NIPA1: variants seen among roughly 807,000 people sequenced by gnomAD.
NIPA1 encodes NIPA magnesium transporter 1, also known as magnesium transporter NIPA1.
A neutral mutation model predicts 23.9 loss-of-function variants in NIPA1; 13 were observed. The observed-to-expected ratio is 0.54, with a 90% CI of 0.35 to 0.87. The LOEUF (loss-of-function observed/expected upper bound fraction) is 0.87. Among genes scored for constraint, NIPA1 ranks in the 40% least tolerant of loss-of-function variants. NIPA1 has a pLI of 0.01. For missense variants in NIPA1, 362 were observed against 429.7 expected (o/e 0.84, Z 1.39); for synonymous variants, 234 against 202.9 (o/e 1.15, Z -1.30).
In NIPA1 at chr15:22,824,103, A is replaced by G. The variant is rs1412975318; in HGVS notation, c.854A>G (p.Asn285Ser). The G allele has an allele frequency of 1.9e-6, 3 of 1,614,130 alleles. No individual in the cohort carries two copies. The highest frequency in any genetic ancestry group is 2.5e-6 in the Non-Finnish European group (3 of 1,179,978). The change falls in exon 5 of 5, where the codon AAC (asparagine) becomes AGC (serine). Residue 285 changes from asparagine to serine, a missense_variant. By Grantham distance (46) the Asn-to-Ser change is conservative. Coordinates refer to ENST00000337435, the MANE Select transcript of NIPA1 (RefSeq NM_144599.5). This position sits in a 1 kb window ranked among gnomAD's most constrained non-coding sequence, Gnocchi z 4.1. ...GCCATCCTCTTCCGGGAGTGGAGCA[A>G]CGTGGGCCTGGTGGACTTCTTGGGG... The part of the protein sequence containing the change: ...ASAILFREWS[N>S]VGLVDFLGMA...
chr15:22,816,307 G>A (rs1895416412), intron 3 of NIPA1, among the ~76,000 whole-genome samples: 1 of 143,178 alleles, frequency 7.0e-6, no homozygotes, highest in Non-Finnish European at 1.5e-5. Context: ...TCCTTCCTCA[G>A]CCTCCCGAGT....
At chr15:22,807,668 C>A (rs753229033) in intron 1 of NIPA1, among the ~76,000 whole-genome samples, 1 of 152,024 alleles carries the variant, frequency 6.6e-6, no homozygotes. Flanking sequence ...AATTGACAAA[C>A]CTTTAGCTAG....
Position 22,786,677 on chromosome 15 carries a change from AGCGGCGGCG to A in NIPA1, c.39_47del (p.Ala14_Ala16del), listed in dbSNP as rs531550505. 1.7e-3 allele frequency: 1,836 copies of A among 1,071,494 alleles called. 8 individuals carry two copies. Among genetic ancestry groups the A allele is most frequent in the East Asian group, 8.4e-3 (116 of 13,728 alleles). The allele number at this position is 1,071,494 out of a possible 1,614,324, so 66.4% of individuals were successfully genotyped here. A position where few individuals can be genotyped will look rare whatever the true frequency, so the allele number is the denominator to read the frequency against. ...GCGGAATGGGGACTGCAGCTGCGGC[AGCGGCGGCG>A]GCGGCGGCGGCGGCGGCCGGGGAGG... On this transcript the variant is annotated inframe_deletion, in exon 1 of 5. Coordinates refer to ENST00000337435, the MANE Select transcript of NIPA1 (RefSeq NM_144599.5).
Position 22,827,135 on chromosome 15 carries a change from G to C in NIPA1, c.*2896G>C, listed in dbSNP as rs973243335. 4 of 151,972 alleles carry C rather than the reference G, an allele frequency of 2.6e-5. No homozygotes were observed. The highest frequency in any genetic ancestry group is 9.7e-5 in the African/African-American group (4 of 41,358). 9.4% of individuals were successfully genotyped at this position (151,972 alleles called of 1,614,324 possible). A position where few individuals can be genotyped will look rare whatever the true frequency, so the allele number is the denominator to read the frequency against. On this transcript the variant is annotated 3_prime_UTR_variant, in exon 5 of 5. Coordinates refer to ENST00000337435, the MANE Select transcript of NIPA1 (RefSeq NM_144599.5). ...AAAAAAAGATGCTTACTGTATACTT[G>C]TTTTCAAGCATCCTCTAAAATCAAA...
At chr15:22,797,479 T>C (rs577929067) in intron 1 of NIPA1, among the ~76,000 whole-genome samples, 109 of 150,300 alleles carry the variant, frequency 7.3e-4, no homozygotes, top group African/African-American at 2.5e-3. Flanking sequence ...CCCAAAGTGC[T>C]GGGATTACAG....
chr15:22,823,365 G>A (rs1420251192), intron 4 of NIPA1, among the ~76,000 whole-genome samples: 1 of 151,688 alleles, frequency 6.6e-6, no homozygotes, highest in Non-Finnish European at 1.5e-5. Flanking sequence ...CAGGCGCGCT[G>A]TAATTTTTGT....
chr15:22,800,518 G>A lies in NIPA1; in HGVS notation c.179-10231G>A, dbSNP rs371055228. Among the ~76,000 whole-genome samples the A allele has an allele frequency of 4.6e-5, 7 of 152,144 alleles. No homozygotes were observed. In the South Asian group the frequency reaches 1.2e-3, roughly 27 times the overall value. On this transcript the variant is annotated intron_variant, in intron 1 of 4. Coordinates refer to ENST00000337435, the MANE Select transcript of NIPA1 (RefSeq NM_144599.5). ...TAAAAAATGAGGCAGTGGGCTGGGC[G>A]TGGTGGCTGACGTCTATAATCCCAA...
chr15:22,786,891 A>T (rs1420297866), intron 1 of NIPA1, 57 bp downstream of exon 1: 1 of 548,978 alleles, frequency 1.8e-6, no homozygotes, highest in Non-Finnish European at 2.4e-6. Context: ...GGCGGCGGAG[A>T]AGGCGGTCGC....
chr15:22,786,599 A>G, upstream of NIPA1: 5 of 636,288 alleles, frequency 7.9e-6, no homozygotes, highest in Non-Finnish European at 9.6e-6. Flanking sequence ...GTCACCCCCC[A>G]TCCCGCCCCG....
chr15:22,790,948 G>A (rs777594244), intron 1 of NIPA1, among the ~76,000 whole-genome samples: 4 of 152,088 alleles, frequency 2.6e-5, no homozygotes, highest in Non-Finnish European at 5.9e-5. Flanking sequence ...GGAAAAAGTT[G>A]TGTCTTACTG....
rs377681853 is a variant in NIPA1, at chr15:22,796,875, T to C, written c.178+10041T>C. Among the ~76,000 whole-genome samples, 3 of 152,262 alleles carry C rather than the reference T, an allele frequency of 2.0e-5. No homozygotes were observed. The East Asian group carries it at 5.8e-4, about 29-fold the overall frequency. ...ATATAATTATTCAGCAGAGTATATC[T>C]TGAGTTTCCAGAACCTAGGCTTAGT... On this transcript the variant is annotated intron_variant, in intron 1 of 4. Transcript: ENST00000337435.
rs117603460 is a variant in NIPA1 at position 22,798,884 on chromosome 15, C to G, written c.179-11865C>G. ...AAAACCTCTTTATTGTGGTAAATAT[C>G]AAATATGTTCAAAGTAGAGGAAGTA... On this transcript the variant is annotated intron_variant, in intron 1 of 4. Transcript: ENST00000337435. Among the ~76,000 whole-genome samples the G allele has an allele frequency of 8.0e-4, 96 of 119,888 alleles. No individual in the cohort carries two copies. The East Asian group carries it at 0.026, about 33-fold the overall frequency. 78.7% of individuals were successfully genotyped at this position (119,888 alleles called of 152,430 possible).
chr15:22,798,238 C>T (rs980398940), intron 1 of NIPA1, among the ~76,000 whole-genome samples: 1 of 124,886 alleles, frequency 8.0e-6, no homozygotes, highest in Admixed American at 8.2e-5. Flanking sequence ...TGCTAAAAAT[C>T]TTTTTTTTTT....
chr15:22,806,857 C>T (rs1220340173), intron 1 of NIPA1, among the ~76,000 whole-genome samples: 2 of 152,148 alleles, frequency 1.3e-5, no homozygotes, highest in Admixed American at 6.6e-5. Flanking sequence ...CACAGCCATG[C>T]ACTTCCTGCA....
intron 3 of NIPA1, among the ~76,000 whole-genome samples, chr15:22,815,640 G>T (rs1342241790): frequency 8.8e-6 from 1 of 113,710 alleles, no homozygotes; most frequent in Admixed American, 1.0e-4. Context: ...AAAAAACAAA[G>T]AAAAGATAAA....
chr15:22,794,344 T>TG (rs1363368443), intron 1 of NIPA1, among the ~76,000 whole-genome samples: 1 of 79,578 alleles, frequency 1.3e-5, no homozygotes, highest in Non-Finnish European at 2.4e-5. Context: ...GTTCCAGGGG[T>TG]GGGGGGAGGG....
chr15:22,814,223 C>A (rs1595642362), intron 3 of NIPA1: 3 of 619,208 alleles, frequency 4.8e-6, no homozygotes, highest in Non-Finnish European at 7.5e-6. Flanking sequence ...AGATGATTAT[C>A]AAAGTGTGCA....
At chr15:22,800,403 T>G (rs1301964508) in intron 1 of NIPA1, among the ~76,000 whole-genome samples, 1 of 152,170 alleles carries the variant, frequency 6.6e-6, no homozygotes, top group East Asian at 1.9e-4. Context: ...TTTCTGTGAT[T>G]ATCTTGCAAG....
rs1022149490 is a variant in NIPA1, at chr15:22,829,153, G to C, written c.*4914G>C. On this transcript the variant is annotated 3_prime_UTR_variant, in exon 5 of 5. Transcript: ENST00000337435. ...AATTAAACAGGGACTTCAGAAAGCC[G>C]CACAGAAAGATCACCTTCCGATGGT... 1 of 152,190 alleles carries C rather than the reference G, an allele frequency of 6.6e-6. No individual in the cohort carries two copies. The highest frequency in any genetic ancestry group is 1.5e-5 in the Non-Finnish European group (1 of 68,034). The allele number at this position is 152,190 out of a possible 1,614,324, so 9.4% of individuals were successfully genotyped here.
Sources: gnomAD v4.1 joint callset for allele counts (sites outside exome capture counted in the v4.1 genomes callset) on GRCh38, gnomAD v4.1.1 for gene constraint, Gnocchi (gnomAD v3.1) non-coding constraint, MANE v1.5 for transcripts, NCBI Gene and HGNC (gene_info 2026-07-23, HGNC 2026-07-21) for gene names.